TRPM3: variants seen among roughly 807,000 people sequenced by gnomAD.
TRPM3 encodes the protein long transient receptor potential channel 3.
In TRPM3, 77 loss-of-function variants were observed where a neutral mutation model predicts 181.2. The ratio of observed to expected loss-of-function variants is 0.42; its 90% CI spans 0.35 to 0.51. The LOEUF (loss-of-function observed/expected upper bound fraction) is 0.51. TRPM3 is among the 20% of genes least tolerant of loss of function. The pLI is 0.01. For missense variants in TRPM3, 1,759 were observed against 2,196.7 expected, an observed-to-expected ratio of 0.80 and a Z score of 3.98; for synonymous variants, 745 against 796.4, an observed-to-expected ratio of 0.94 and a Z score of 1.09.
intron 1 of TRPM3, among the ~76,000 whole-genome samples, chr9:71,194,814 A>G (rs984660165): frequency 6.6e-6 from 1 of 151,984 alleles, no homozygotes; most frequent in African/African-American, 2.4e-5. Flanking sequence ...AGAAAAAAAA[A>G]AGAAAACCTT....
chr9:71,137,763 TA>T (rs2074856314), intron 1 of TRPM3, among the ~76,000 whole-genome samples: 2 of 152,190 alleles, frequency 1.3e-5, no homozygotes, highest in Non-Finnish European at 2.9e-5. Context: ...TAAGTATTTT[TA>T]GAAAGTGACA....
chr9:71,353,841 A>G (rs888776482), intron 1 of TRPM3, among the ~76,000 whole-genome samples: 5 of 152,190 alleles, frequency 3.3e-5, no homozygotes, highest in African/African-American at 1.2e-4. Context: ...AAAGTTGTAA[A>G]CATCCTTAAC....
intron 1 of TRPM3, among the ~76,000 whole-genome samples, chr9:71,007,034 C>T: frequency 2.6e-5 from 1 of 38,716 alleles, no homozygotes; most frequent in Non-Finnish European, 4.7e-5. Context: ...AGCGAAACTC[C>T]ATCTCAAAAA....
chr9:70,540,774 G>T (rs1051770928), intron 25 of TRPM3, among the ~76,000 whole-genome samples: 1 of 152,108 alleles, frequency 6.6e-6, no homozygotes, highest in Non-Finnish European at 1.5e-5. Context: ...CCAGGCTGGC[G>T]TGCAGTGGCA....
intron 6 of TRPM3, among the ~76,000 whole-genome samples, chr9:70,801,896 A>G (rs567872802): frequency 6.6e-6 from 1 of 152,336 alleles, no homozygotes; most frequent in East Asian, 1.9e-4. Flanking sequence ...ACTGAAAACT[A>G]TCCCAAGAAG....
chr9:70,562,621 G>T (rs551627661), intron 22 of TRPM3, among the ~76,000 whole-genome samples: 2 of 149,316 alleles, frequency 1.3e-5, no homozygotes, highest in Admixed American at 6.7e-5. Context: ...TGTTGGGCAG[G>T]GGGGAGGTAT....
chr9:70,760,101 A>G (rs1424907695), intron 8 of TRPM3, among the ~76,000 whole-genome samples: 6 of 152,098 alleles, frequency 3.9e-5, no homozygotes, highest in Admixed American at 2.6e-4. Context: ...ATTAAACAAC[A>G]TGAAATTTAG....
intron 5 of TRPM3, among the ~76,000 whole-genome samples, chr9:70,836,950 C>T (rs2094360770): frequency 6.6e-6 from 1 of 152,206 alleles, no homozygotes; most frequent in South Asian, 2.1e-4. Context: ...TCACTGTTCT[C>T]ACTAGAACCG....
intron 3 of TRPM3, among the ~76,000 whole-genome samples, chr9:70,852,763 G>A (rs2095274669): frequency 6.6e-6 from 1 of 152,040 alleles, no homozygotes; most frequent in Non-Finnish European, 1.5e-5. Flanking sequence ...CCAATTCTGA[G>A]GCTTTCCTCA....
chr9:70,906,449 G>A (rs1219057264), intron 1 of TRPM3, among the ~76,000 whole-genome samples: 1 of 152,164 alleles, frequency 6.6e-6, no homozygotes, highest in East Asian at 1.9e-4. Flanking sequence ...CCTCCTGCTT[G>A]TTAAATTAGT....
chr9:71,021,836 T>C (rs577999511), intron 1 of TRPM3, among the ~76,000 whole-genome samples: 1 of 152,292 alleles, frequency 6.6e-6, no homozygotes, highest in African/African-American at 2.4e-5. Context: ...AGAGATGAAC[T>C]GATTTCAGTA....
In TRPM3 at chr9:71,430,810, T is replaced by A. The variant is rs537670044; in HGVS notation, c.183+15843A>T. Among the ~76,000 whole-genome samples, 396 of 150,052 alleles carry A rather than the reference T, an allele frequency of 2.6e-3. 1 individual carries two copies. The highest frequency in any genetic ancestry group is 8.8e-3 in the African/African-American group (362 of 40,934). Reference sequence around the variant, plus strand: ...TGGGTGAGAGAGCGAGACTCCATTTTAAAAAAAAAAGAATGCTTGTGAAAG... The same window carrying A: ...TGGGTGAGAGAGCGAGACTCCATTTAAAAAAAAAAAGAATGCTTGTGAAAG... On this transcript the variant is annotated intron_variant, in intron 1 of 24. Coordinates refer to the TRPM3 transcript ENST00000357533.
Position 70,537,247 on chromosome 9 carries a change from T to C in TRPM3, c.3866A>G (p.Glu1289Gly), listed in dbSNP as rs201677664. Residue 1289 changes from glutamate to glycine, a missense_variant, in exon 26 of 26, where the codon GAG (glutamate) becomes GGG (glycine). Transcript: ENST00000677713. ...LERLTGLERA[E>G]SNKIRSRTSS... ...GGTCCTCGAGCGGATTTTGTTGGAC[T>C]CGGCCCGCTCCAGACCTGTCAGGCG... The C allele has an allele frequency of 3.1e-5, 50 of 1,596,970 alleles. No homozygotes were observed. The East Asian group carries it at 1.1e-3, about 34-fold the overall frequency.
intron 1 of TRPM3, among the ~76,000 whole-genome samples, chr9:71,237,086 G>A: frequency 7.7e-6 from 1 of 129,770 alleles, no homozygotes; most frequent in African/African-American, 3.2e-5. Flanking sequence ...AGAAAGGAAA[G>A]GGAAGGGGGA....
chr9:71,348,369 T>C (rs1443008029), intron 1 of TRPM3, among the ~76,000 whole-genome samples: 1 of 151,822 alleles, frequency 6.6e-6, no homozygotes, highest in African/African-American at 2.4e-5. Context: ...TTCTCCTGTA[T>C]AGTTGTTGCT....
chr9:70,788,757 A>G (rs538173389), intron 6 of TRPM3, among the ~76,000 whole-genome samples: 1 of 152,248 alleles, frequency 6.6e-6, no homozygotes, highest in South Asian at 2.1e-4. Flanking sequence ...TCTAGGCATG[A>G]TGGGAGACTG....
intron 1 of TRPM3, among the ~76,000 whole-genome samples, chr9:70,932,550 G>T (rs2096785729): frequency 6.6e-6 from 1 of 152,016 alleles, no homozygotes; most frequent in Non-Finnish European, 1.5e-5. Context: ...AAGATAATAG[G>T]CCCAGAAAGC....
At chr9:70,771,617 C>G (rs1448304756) in intron 7 of TRPM3, among the ~76,000 whole-genome samples, 1 of 152,004 alleles carries the variant, frequency 6.6e-6, no homozygotes, top group Non-Finnish European at 1.5e-5. Flanking sequence ...GGTATTTAGT[C>G]CCTTCTATAA....
In TRPM3 at chr9:70,615,270, C is replaced by G. The variant is rs552482478; in HGVS notation, c.2526+638G>C. Among the ~76,000 whole-genome samples, 24 of 152,296 alleles carry G rather than the reference C, an allele frequency of 1.6e-4. No homozygotes were observed. In the South Asian group the frequency reaches 5.0e-3, roughly 32 times the overall value. On this transcript the variant is annotated intron_variant, in intron 18 of 25. Coordinates refer to ENST00000677713, the MANE Select transcript of TRPM3 (RefSeq NM_001366145.2). ...CCAAGCTATGAAGCCTTGTTTGTCCCTTTAACAGAATGTGATATTTTTAGC... is the reference window on the plus strand; with the variant it reads ...CCAAGCTATGAAGCCTTGTTTGTCCGTTTAACAGAATGTGATATTTTTAGC...
Sources: gnomAD v4.1 joint callset for allele counts (sites outside exome capture counted in the v4.1 genomes callset) on GRCh38, gnomAD v4.1.1 for gene constraint, MANE v1.5 for transcripts, NCBI Gene and HGNC (gene_info 2026-07-23, HGNC 2026-07-21) for gene names.